Variants in SETD5 observed in about 807,000 individuals in gnomAD.
SETD5 encodes the protein SET domain containing 5.
SETD5 carries 44 observed loss-of-function variants against 153.3 expected under a neutral mutation model. The ratio of observed to expected loss-of-function variants is 0.29; its 90% CI spans 0.23 to 0.37. The LOEUF (loss-of-function observed/expected upper bound fraction) is 0.37, where lower values mean the gene tolerates loss of function less well. Ranked by LOEUF, SETD5 falls within the 10% of genes least tolerant of loss-of-function variation. The pLI, the probability that SETD5 is intolerant of heterozygous loss-of-function variation, is 1.00. For synonymous variants in SETD5, 716 were observed against 645.2 expected, an observed-to-expected ratio of 1.11 and a Z score of -1.66; for missense variants, 1,544 against 1,768.0, an observed-to-expected ratio of 0.87 and a Z score of 2.27.
At chr3:9,458,159 G>A (rs1367334831) in intron 17 of SETD5, among the ~76,000 whole-genome samples, 1 of 152,092 alleles carries the variant, frequency 6.6e-6, no homozygotes, top group Non-Finnish European at 1.5e-5. Context: ...ACGGTGGCAC[G>A]TGCCTGTAAC....
At chr3:9,475,192 G>A (rs2045738413) in intron 22 of SETD5, 36 bp downstream of exon 22, 3 of 1,541,952 alleles carry the variant, frequency 1.9e-6, no homozygotes, top group Non-Finnish European at 2.6e-6. Context: ...AGCCATAGGA[G>A]TGTGTTCTGG....
At chr3:9,472,702 C>T (rs191623817) in intron 19 of SETD5, among the ~76,000 whole-genome samples, 1 of 151,560 alleles carries the variant, frequency 6.6e-6, no homozygotes, top group East Asian at 1.9e-4. Context: ...CTCTCTCCCT[C>T]TCTCTCTCCA....
chr3:9,439,506 G>A (rs991169489), intron 7 of SETD5, among the ~76,000 whole-genome samples: 2 of 152,178 alleles, frequency 1.3e-5, no homozygotes, highest in South Asian at 2.1e-4. Context: ...TGGTACTACA[G>A]TGTCTTTTCC....
In SETD5 at chr3:9,428,950, A is replaced by G. The variant is rs373289671; in HGVS notation, c.12A>G (p.Ala4=). Residue 4 remains alanine (A), a synonymous_variant, in exon 3 of 23, where the codon GCA becomes GCG. Coordinates refer to ENST00000402198, the MANE Select transcript of SETD5 (RefSeq NM_001080517.3). ...CTGTGTTGGACGTCATGAGCATTGC[A>G]ATCCCTCTGGGAGTCACCACATCAG... MSI[A]IPLGVTTSDT... is the part of the protein sequence containing the mutation. The G allele has an allele frequency of 6.2e-7, 1 of 1,613,114 alleles. No individual in the cohort carries two copies. Among genetic ancestry groups the G allele is most frequent in the Non-Finnish European group, 8.5e-7 (1 of 1,179,428 alleles).
intron 2 of SETD5, among the ~76,000 whole-genome samples, chr3:9,427,761 T>G (rs2039480247): frequency 6.6e-6 from 1 of 152,172 alleles, no homozygotes; most frequent in South Asian, 2.1e-4. Context: ...CCCCCCCAAA[T>G]AAAATGCTTT....
rs1559399437 is a variant in SETD5, at chr3:9,434,071, TC to T, written c.177+124del. The stretch of plus-strand genomic sequence containing the variant: ...ATGACGAAGTTGCCCCTTTTGCACT[TC>T]CCTGACTCCAGCGGACGTCTAGCCC... On this transcript the variant is annotated intron_variant, in intron 4 of 22. Coordinates refer to ENST00000402198, the MANE Select transcript of SETD5 (RefSeq NM_001080517.3). This position sits in a 1 kb window ranked among gnomAD's most constrained non-coding sequence, Gnocchi z 5.6. 1.3e-6 allele frequency: 2 copies of T among 1,596,230 alleles called. No homozygotes were observed. Among genetic ancestry groups the T allele is most frequent in the Middle Eastern group, 1.7e-4 (1 of 6,034 alleles).
At chr3:9,436,827 A>C in intron 7 of SETD5, 1 of 1,549,328 alleles carries the variant, frequency 6.5e-7, no homozygotes, top group Non-Finnish European at 8.7e-7. Context: ...TGTTTGTTCT[A>C]CTTGTTTTCC....
chr3:9,473,813 C>G (rs930604708), intron 20 of SETD5, among the ~76,000 whole-genome samples: 65 of 152,210 alleles, frequency 4.3e-4, no homozygotes, highest in African/African-American at 1.4e-3. Context: ...TTGGTGGGCA[C>G]TAACACTGCC....
chr3:9,456,302 C>T (rs575979514), intron 17 of SETD5, among the ~76,000 whole-genome samples: 2 of 151,788 alleles, frequency 1.3e-5, no homozygotes, highest in Admixed American at 6.6e-5. Context: ...ATGGTGAAAC[C>T]CTGTCTCTAC....
intron 17 of SETD5, among the ~76,000 whole-genome samples, chr3:9,459,386 A>G (rs2043651152): frequency 1.3e-5 from 2 of 152,124 alleles, no homozygotes; most frequent in African/African-American, 4.8e-5. Context: ...GATTCATTTT[A>G]TCAAATTAAC....
chr3:9,468,449 AT>A, intron 18 of SETD5: 1 of 1,273,746 alleles, frequency 7.9e-7, no homozygotes, highest in South Asian at 1.3e-5. Flanking sequence ...GCTTGCTTTT[AT>A]TTTTTGTTTT....
chr3:9,398,876 A>G lies in SETD5; in HGVS notation c.-177+899A>G, dbSNP rs1271078182. On this transcript the variant is annotated intron_variant, in intron 1 of 22. Transcript: ENST00000402198. ...TTGCTTGTCTCACTTCTTGGGCGTC[A>G]GTGGTCTTTCTCTTGGATATGGATG... is the stretch of plus-strand genomic sequence containing the variant. 2.0e-5 allele frequency among the ~76,000 whole-genome samples: 3 copies of G among 152,194 alleles called. No homozygotes were observed. The East Asian group carries it at 5.8e-4, about 29-fold the overall frequency.
In SETD5 at chr3:9,434,213, CA is replaced by C; in HGVS notation, c.178-120del. On this transcript the variant is annotated intron_variant, in intron 4 of 22. Coordinates refer to ENST00000402198, the MANE Select transcript of SETD5 (RefSeq NM_001080517.3). The surrounding 1 kb of genome is among the most constrained non-coding windows in gnomAD (Gnocchi z 5.6). ...CTTTCTTCTTTCTTTCCATATGTACCATACTTTAGGGGAGAGAGGGGCCAGT... is the reference window on the plus strand; with the variant it reads ...CTTTCTTCTTTCTTTCCATATGTACCTACTTTAGGGGAGAGAGGGGCCAGT... 1 of 1,550,988 alleles carries C rather than the reference CA, an allele frequency of 6.4e-7. No individual in the cohort carries two copies.
rs2044339296 is a variant in SETD5 at position 9,464,567 on chromosome 3, A to G, written c.2619A>G (p.Ser873=). Residue 873 remains serine, a synonymous_variant, in exon 18 of 23, where the codon TCA becomes TCG. Transcript: ENST00000402198. ...SKSPQLATPG[S]SHPGEEECRN... ...GTCCCCAGCTGGCCACACCTGGCTC[A>G]TCTCACCCAGGAGAAGAGGAGTGTC... 2.5e-6 allele frequency: 4 copies of G among 1,613,966 alleles called. No individual in the cohort carries two copies. The highest frequency in any genetic ancestry group is 2.2e-5 in the East Asian group (1 of 44,882).
intron 1 of SETD5, among the ~76,000 whole-genome samples, chr3:9,419,972 T>C (rs1311932108): frequency 6.6e-6 from 1 of 152,200 alleles, no homozygotes; most frequent in Admixed American, 6.5e-5. Context: ...ACACATGTTC[T>C]GAGCCTCAGA....
intron 3 of SETD5, chr3:9,429,447 T>C (rs774615150): frequency 6.1e-6 from 1 of 164,404 alleles, no homozygotes; most frequent in Non-Finnish European, 1.3e-5. Context: ...TATGGGCAGG[T>C]TGCCTAGACC....
chr3:9,414,132 A>G (rs956442714), intron 1 of SETD5, among the ~76,000 whole-genome samples: 3 of 152,198 alleles, frequency 2.0e-5, no homozygotes, highest in African/African-American at 4.8e-5. Flanking sequence ...GAATGAGTAT[A>G]TGTGCTCAAA....
At chr3:9,440,760 G>C in intron 8 of SETD5, 62 bp downstream of exon 8, 1 of 1,538,130 alleles carries the variant, frequency 6.5e-7, no homozygotes, top group Non-Finnish European at 8.7e-7. Flanking sequence ...CAGGAAGAGG[G>C]TAATGGATTG....
At chr3:9,433,731 A>T in intron 3 of SETD5, 114 bp from the exon 4 acceptor site, 1 of 1,101,920 alleles carries the variant, frequency 9.1e-7, no homozygotes, top group Non-Finnish European at 1.3e-6. Flanking sequence ...TCTTTCTCTT[A>T]TCCTAGTGGC....
Sources: gnomAD v4.1 joint callset for allele counts (sites outside exome capture counted in the v4.1 genomes callset) on GRCh38, gnomAD v4.1.1 for gene constraint, Gnocchi (gnomAD v3.1) non-coding constraint, MANE v1.5 for transcripts, NCBI Gene and HGNC (gene_info 2026-07-23, HGNC 2026-07-21) for gene names.